CA10: variants seen among roughly 807,000 people sequenced by gnomAD.
The protein encoded by CA10 is carbonic anhydrase 10 (inactive).
Under a neutral mutation model 44.2 loss-of-function variants are expected in CA10, and 14 were observed. The ratio of observed to expected loss-of-function variants is 0.32; its 90% CI spans 0.21 to 0.50. The LOEUF (loss-of-function observed/expected upper bound fraction) is 0.50. Among genes scored for constraint, CA10 ranks in the 20% least tolerant of loss-of-function variants. CA10 has a pLI of 0.99. For missense variants in CA10, 350 were observed against 409.7 expected (o/e 0.85, Z 1.26); for synonymous variants, 159 against 141.6 (o/e 1.12, Z -0.87).
intron 2 of CA10, among the ~76,000 whole-genome samples, chr17:51,933,163 G>A (rs1461093896): frequency 6.6e-6 from 1 of 152,112 alleles, no homozygotes; most frequent in Non-Finnish European, 1.5e-5. Flanking sequence ...CACCAATGAT[G>A]TTTACTATCC....
At chr17:52,095,306 T>G (rs1567731662) in intron 1 of CA10, among the ~76,000 whole-genome samples, 1 of 152,056 alleles carries the variant, frequency 6.6e-6, no homozygotes, top group Non-Finnish European at 1.5e-5. Flanking sequence ...TTTCCTCTAT[T>G]GGGTGAGGGC....
intron 2 of CA10, among the ~76,000 whole-genome samples, chr17:52,016,108 C>T (rs950035453): frequency 1.3e-5 from 2 of 152,014 alleles, no homozygotes; most frequent in African/African-American, 4.8e-5. Context: ...GAGTTTGCTG[C>T]CATAGCTTGA....
chr17:51,633,949 T>A (rs916045671), intron 7 of CA10, among the ~76,000 whole-genome samples: 2 of 152,210 alleles, frequency 1.3e-5, no homozygotes, highest in Non-Finnish European at 2.9e-5. Context: ...CTGGTTAGGT[T>A]TCTCTAAGGT....
chr17:51,873,422 C>T (rs750499880), intron 3 of CA10, among the ~76,000 whole-genome samples: 3 of 152,156 alleles, frequency 2.0e-5, no homozygotes, highest in Non-Finnish European at 2.9e-5. Flanking sequence ...AGGTAGTTGG[C>T]ACTCAGCAAT....
Position 51,839,429 on chromosome 17 carries a change from C to A in CA10, c.279+91561G>T, listed in dbSNP as rs1015799359. Among the ~76,000 whole-genome samples, 3 of 129,806 alleles carry A rather than the reference C, an allele frequency of 2.3e-5. No homozygotes were observed. In the Admixed American group the frequency reaches 2.9e-4, roughly 12 times the overall value. The allele number at this position is 129,806 out of a possible 152,430, so 85.2% of individuals were successfully genotyped here. A position where few individuals can be genotyped will look rare whatever the true frequency, so the allele number is the denominator to read the frequency against. ...AATGGCATGAACCTGGGAGGCGGAG[C>A]TTGCAGTGAGCCCAGATCGCACCAC... On this transcript the variant is annotated intron_variant, in intron 3 of 8. Transcript: ENST00000451037.
chr17:51,728,505 T>G (rs1456289134), intron 4 of CA10, among the ~76,000 whole-genome samples: 1 of 152,204 alleles, frequency 6.6e-6, no homozygotes, highest in Non-Finnish European at 1.5e-5. Flanking sequence ...TTCACACTTT[T>G]GACGGGTACT....
intron 1 of CA10, among the ~76,000 whole-genome samples, chr17:52,076,575 T>G (rs1036323052): frequency 4.6e-5 from 7 of 152,190 alleles, no homozygotes; most frequent in Admixed American, 6.5e-5. Context: ...GGCTGCAGAC[T>G]AGAAGAAAAT....
intron 2 of CA10, among the ~76,000 whole-genome samples, chr17:51,989,551 C>T (rs928422356): frequency 6.6e-6 from 1 of 151,988 alleles, no homozygotes; most frequent in African/African-American, 2.4e-5. Context: ...TGAAATCAAC[C>T]TAAATGTCCA....
chr17:51,875,338 G>C, intron 3 of CA10, among the ~76,000 whole-genome samples: 1 of 152,172 alleles, frequency 6.6e-6, no homozygotes, highest in East Asian at 1.9e-4. Flanking sequence ...CCTGGATCTA[G>C]ATCTGTGTTC....
In CA10 at chr17:51,674,324, T is replaced by C. The variant is rs192180808; in HGVS notation, c.466-20588A>G. 2.6e-5 allele frequency among the ~76,000 whole-genome samples: 4 copies of C among 152,336 alleles called. No individual in the cohort carries two copies. In the East Asian group the frequency reaches 7.7e-4, roughly 29 times the overall value. On this transcript the variant is annotated intron_variant, in intron 4 of 8. Coordinates refer to ENST00000451037, the MANE Select transcript of CA10 (RefSeq NM_020178.5). ...CAACCACTGCAGGGAAGAAAAATAG[T>C]CTTCTTACTTAGGAAAAAAATTACT... is the stretch of plus-strand genomic sequence containing the variant.
At chr17:51,727,991 T>C (rs986224694) in intron 4 of CA10, among the ~76,000 whole-genome samples, 2 of 152,092 alleles carry the variant, frequency 1.3e-5, no homozygotes, top group Non-Finnish European at 2.9e-5. Context: ...GCTCAAGCAA[T>C]CTTCCCACCT....
At chr17:51,995,608 AAG>A (rs1408257273) in intron 2 of CA10, among the ~76,000 whole-genome samples, 1 of 152,110 alleles carries the variant, frequency 6.6e-6, no homozygotes, top group African/African-American at 2.4e-5. Flanking sequence ...GTCTAACAAA[AAG>A]AGGATGTAAA....
chr17:52,007,387 C>A (rs1392494643), intron 2 of CA10, among the ~76,000 whole-genome samples: 2 of 151,490 alleles, frequency 1.3e-5, no homozygotes, highest in African/African-American at 4.8e-5. Context: ...GGTGGATACT[C>A]TTCAATAGAT....
At chr17:51,653,923 C>CA (rs1195562571) in intron 4 of CA10, among the ~76,000 whole-genome samples, 187 bp from the exon 5 acceptor site, 1 of 152,210 alleles carries the variant, frequency 6.6e-6, no homozygotes, top group African/African-American at 2.4e-5. Flanking sequence ...TACACGCACA[C>CA]AAAAATACCC....
Position 51,905,526 on chromosome 17 carries a change from C to CTTTT in CA10, c.279+25460_279+25463dup, listed in dbSNP as rs34606778. Among the ~76,000 whole-genome samples, 109 of 99,814 alleles carry CTTTT rather than the reference C, an allele frequency of 1.1e-3. 4 individuals are homozygous for CTTTT. The highest frequency in any genetic ancestry group is 9.9e-3 in the South Asian group (30 of 3,026). The allele number at this position is 99,814 out of a possible 152,430, so 65.5% of individuals were successfully genotyped here. ...TTATGGCCCATCATCCCTATCAGTCCTTTTTTTTTTTTTTTTTTTTTTTTT... is the reference window on the plus strand; with the variant it reads ...TTATGGCCCATCATCCCTATCAGTCCTTTTTTTTTTTTTTTTTTTTTTTTTTTTT... On this transcript the variant is annotated intron_variant, in intron 3 of 8. Transcript: ENST00000451037.
In CA10 at chr17:51,982,116, C is replaced by T. The variant is rs796961528; in HGVS notation, c.137-50984G>A. Among the ~76,000 whole-genome samples, 29 of 152,074 alleles carry T rather than the reference C, an allele frequency of 1.9e-4. 2 individuals carry two copies. The highest frequency in any genetic ancestry group is 6.7e-4 in the African/African-American group (28 of 41,526). The stretch of plus-strand genomic sequence containing the variant: ...CTATACAAATTATTTGGAACATTTC[C>T]TCCCTCTTCAAACATTTAGAACTAT... On this transcript the variant is annotated intron_variant, in intron 2 of 8. Transcript: ENST00000451037.
chr17:51,990,248 A>T (rs1453115551), intron 2 of CA10, among the ~76,000 whole-genome samples: 1 of 152,118 alleles, frequency 6.6e-6, no homozygotes. Flanking sequence ...ATTGCCCCAG[A>T]ATTTCCAGTA....
At chr17:51,691,189 A>G (rs1915180955) in intron 4 of CA10, among the ~76,000 whole-genome samples, 1 of 152,144 alleles carries the variant, frequency 6.6e-6, no homozygotes, top group Non-Finnish European at 1.5e-5. Flanking sequence ...TCCCATCAAC[A>G]GTGTTTCAGG....
At chr17:51,874,527 T>A (rs73989430) in intron 3 of CA10, among the ~76,000 whole-genome samples, 1 of 152,096 alleles carries the variant, frequency 6.6e-6, no homozygotes, top group African/African-American at 2.4e-5. Flanking sequence ...GCAGAGTTGA[T>A]TAGAATAGCC....
Sources: gnomAD v4.1 joint callset for allele counts (sites outside exome capture counted in the v4.1 genomes callset) on GRCh38, gnomAD v4.1.1 for gene constraint, MANE v1.5 for transcripts, NCBI Gene and HGNC (gene_info 2026-07-23, HGNC 2026-07-21) for gene names.